WDFY3: variants seen among roughly 807,000 people sequenced by gnomAD.
The protein encoded by WDFY3 is WD repeat and FYVE domain containing 3.
In WDFY3, 66 loss-of-function variants were observed where a neutral mutation model predicts 409.6. That is an observed-to-expected ratio of 0.16 (90% CI 0.13 to 0.20). The LOEUF is 0.20. Ranked by LOEUF, WDFY3 falls within the 10% of genes least tolerant of loss-of-function variation. The probability of loss-of-function intolerance (pLI) is 1.00; values close to 1 mark genes in which losing one functional copy is unlikely to be tolerated. For synonymous variants in WDFY3, 1,521 were observed against 1,537.1 expected (o/e 0.99, Z 0.25); for missense variants, 3,031 against 4,298.1 (o/e 0.71, Z 8.24).
chr4:84,943,802 C>T (rs527750503), intron 1 of WDFY3, among the ~76,000 whole-genome samples: 2 of 152,270 alleles, frequency 1.3e-5, no homozygotes, highest in Non-Finnish European at 1.5e-5. Flanking sequence ...CCTACACATA[C>T]TAAAAACTGG....
In WDFY3 at chr4:84,774,739, C is replaced by G. The variant is rs139340993; in HGVS notation, c.4754+81G>C. 23 of 1,430,154 alleles carry G rather than the reference C, an allele frequency of 1.6e-5. No homozygotes were observed. In the East Asian group the frequency reaches 5.3e-4, roughly 33 times the overall value. 88.6% of individuals were successfully genotyped at this position (1,430,154 alleles called of 1,614,324 possible). A position where few individuals can be genotyped will look rare whatever the true frequency, so the allele number is the denominator to read the frequency against. On this transcript the variant is annotated intron_variant, in intron 29 of 67. Coordinates refer to ENST00000295888, the MANE Select transcript of WDFY3 (RefSeq NM_014991.6). ...GGTGTTATTACACAGTCATAAAAAC[C>G]AATTAAATTCATCTCATCCATCTTA...
intron 24 of WDFY3, among the ~76,000 whole-genome samples, chr4:84,783,366 TTA>T (rs1746910935): frequency 3.3e-5 from 5 of 152,196 alleles, no homozygotes; most frequent in Middle Eastern, 3.4e-3. Flanking sequence ...TTGTGGTGCA[TTA>T]CTCAGGAGGC....
intron 3 of WDFY3, among the ~76,000 whole-genome samples, chr4:84,867,785 T>C (rs538231923): frequency 1.3e-5 from 2 of 152,292 alleles, no homozygotes; most frequent in South Asian, 4.1e-4. Context: ...TTTAATTATA[T>C]AAGCGAAGAA....
chr4:84,958,994 A>G lies in WDFY3; in HGVS notation c.-226+7215T>C, dbSNP rs146820810. Among the ~76,000 whole-genome samples, 537 of 152,314 alleles carry G rather than the reference A, an allele frequency of 3.5e-3. 9 individuals are homozygous for G. The highest frequency in any genetic ancestry group is 0.011 in the East Asian group (56 of 5,188). Reference sequence around the variant, plus strand: ...TCACTGACAGTTATAATAATATAGTATATAATGTACTATGTATTATAATAA... The same window carrying G: ...TCACTGACAGTTATAATAATATAGTGTATAATGTACTATGTATTATAATAA... On this transcript the variant is annotated intron_variant, in intron 1 of 67. Coordinates refer to ENST00000295888, the MANE Select transcript of WDFY3 (RefSeq NM_014991.6).
Position 84,826,865 on chromosome 4 carries a change from C to T in WDFY3, c.1073G>A (p.Gly358Glu). The T allele has an allele frequency of 6.2e-7, 1 of 1,609,720 alleles. No individual in the cohort carries two copies. The highest frequency in any genetic ancestry group is 1.1e-5 in the South Asian group (1 of 90,374). ...AAATCCAGGCAATAAAAAGGGTGCC[C>T]CTGTGGTAATACCAGCTGGTTTTAG... ...SELKPAGITT[G>E]APFLLPGFAV... Residue 358 changes from glycine (G) to glutamate (E), a missense_variant, in exon 10 of 68, where the codon GGG becomes GAG. Gly to Glu is a moderately conservative substitution (Grantham distance 98, BLOSUM62 -2). Around this residue, in one of 16 missense-constraint regions of WDFY3, gnomAD observed 1,322 missense variants for 1,697.9 expected, o/e 0.78. Coordinates refer to ENST00000295888, the MANE Select transcript of WDFY3 (RefSeq NM_014991.6).
At chr4:84,690,079 T>C (rs1729003871) in intron 61 of WDFY3, among the ~76,000 whole-genome samples, 1 of 151,896 alleles carries the variant, frequency 6.6e-6, no homozygotes, top group African/African-American at 2.4e-5. Context: ...TATTCATGAG[T>C]TTGGCATATC....
chr4:84,856,959 TAATGGA>T (rs1219936311), intron 4 of WDFY3, among the ~76,000 whole-genome samples: 1 of 152,172 alleles, frequency 6.6e-6, no homozygotes, highest in Non-Finnish European at 1.5e-5. Context: ...TTTCTAAATT[TAATGGA>T]AATGGTATCT....
chr4:84,704,752 A>G (rs1731641120), intron 54 of WDFY3, among the ~76,000 whole-genome samples: 1 of 152,166 alleles, frequency 6.6e-6, no homozygotes, highest in African/African-American at 2.4e-5. Context: ...CTAAAGCAGG[A>G]TATTGACTTA....
intron 35 of WDFY3, 88 bp downstream of exon 35, chr4:84,753,609 C>A: frequency 7.2e-7 from 1 of 1,386,026 alleles, no homozygotes; most frequent in South Asian, 1.8e-5. Flanking sequence ...AAAAGACTGT[C>A]AAAAAAAATC....
chr4:84,851,026 A>G (rs1394464495), intron 4 of WDFY3, among the ~76,000 whole-genome samples: 3 of 125,724 alleles, frequency 2.4e-5, no homozygotes, highest in African/African-American at 6.2e-5. Flanking sequence ...GGTTCAAGCT[A>G]TCCTCCTGCC....
chr4:84,798,178 G>T, intron 17 of WDFY3, 70 bp from the exon 18 acceptor site: 1 of 1,299,896 alleles, frequency 7.7e-7, no homozygotes, highest in South Asian at 1.4e-5. Flanking sequence ...CAAATATTCA[G>T]AAAAAGAATT....
At chr4:84,900,778 A>C (rs1766243699) in intron 2 of WDFY3, among the ~76,000 whole-genome samples, 1 of 152,228 alleles carries the variant, frequency 6.6e-6, no homozygotes, top group Non-Finnish European at 1.5e-5. Context: ...ACTTATCTGC[A>C]CATGTATCAA....
intron 2 of WDFY3, among the ~76,000 whole-genome samples, chr4:84,922,920 C>G (rs985650887): frequency 6.6e-6 from 1 of 152,176 alleles, no homozygotes; most frequent in African/African-American, 2.4e-5. Flanking sequence ...ATTTAATTTA[C>G]TCTTTGTATA....
At chr4:84,740,165 A>G in intron 39 of WDFY3, 22 bp downstream of exon 39, 1 of 1,612,128 alleles carries the variant, frequency 6.2e-7, no homozygotes, top group Non-Finnish European at 8.5e-7. Context: ...TTAACATGGC[A>G]AACTGAACCT....
intron 2 of WDFY3, among the ~76,000 whole-genome samples, chr4:84,921,956 G>A (rs1055935304): frequency 2.0e-4 from 31 of 151,498 alleles, no homozygotes; most frequent in African/African-American, 7.3e-4. Context: ...CACCTGGCCT[G>A]CTTTCATTTT....
At position 84,755,828 on chromosome 4, in the gene WDFY3, AAATT is replaced by A. The variant is rs1305201067; in HGVS notation, c.5425-432_5425-429del. On this transcript the variant is annotated intron_variant, in intron 33 of 67. Transcript: ENST00000295888. The stretch of plus-strand genomic sequence containing the variant: ...ACTTACAGATAAATCTGATAAAATA[AAATT>A]AATTTAAGACTTATTAATAGCAGTT... 4.6e-5 allele frequency among the ~76,000 whole-genome samples: 7 copies of A among 152,212 alleles called. No homozygotes were observed. In the East Asian group the frequency reaches 1.3e-3, roughly 29 times the overall value.
At chr4:84,797,724 G>T (rs758325379) in intron 18 of WDFY3, among the ~76,000 whole-genome samples, 2 of 151,978 alleles carry the variant, frequency 1.3e-5, no homozygotes, top group Non-Finnish European at 2.9e-5. Flanking sequence ...GGGACTACAG[G>T]CGCCTGCCAC....
chr4:84,966,355 G>A lies in WDFY3; in HGVS notation c.-372C>T, dbSNP rs1214113459. The stretch of plus-strand genomic sequence containing the variant: ...GGGGCCCGGGAGCCCCGCGCCGCGG[G>A]CCGGGGGCCGGGGCCCGAGCTCGAT... On this transcript the variant is annotated 5_prime_UTR_variant, in exon 1 of 68. Coordinates refer to ENST00000295888, the MANE Select transcript of WDFY3 (RefSeq NM_014991.6). 2.7e-5 allele frequency: 4 copies of A among 149,762 alleles called. No individual in the cohort carries two copies. Among genetic ancestry groups the A allele is most frequent in the Non-Finnish European group, 4.5e-5 (3 of 67,162 alleles). The allele number at this position is 149,762 out of a possible 1,614,324, so 9.3% of individuals were successfully genotyped here.
At chr4:84,865,332 A>G (rs1432148072) in intron 3 of WDFY3, among the ~76,000 whole-genome samples, 1 of 152,218 alleles carries the variant, frequency 6.6e-6, no homozygotes, top group Non-Finnish European at 1.5e-5. Context: ...AGTGACAAAG[A>G]TTCTCTCCTT....
Sources: allele counts gnomAD v4.1 joint callset (sites outside exome capture counted in the v4.1 genomes callset), GRCh38; gene constraint gnomAD v4.1.1; regional missense constraint gnomAD v4.1.1; transcripts MANE v1.5; gene names NCBI Gene and HGNC (gene_info 2026-07-23, HGNC 2026-07-21).